ATXN2: variants seen among roughly 807,000 people sequenced by gnomAD.
ATXN2 encodes ataxin-2.
A neutral mutation model predicts 138.6 loss-of-function variants in ATXN2; 37 were observed. That is an observed-to-expected ratio of 0.27 (90% CI 0.21 to 0.35). The LOEUF (loss-of-function observed/expected upper bound fraction) is 0.35. Ranked by LOEUF, ATXN2 falls within the 10% of genes least tolerant of loss-of-function variation. The pLI is 1.00. For missense variants in ATXN2, 1,216 were observed against 1,480.3 expected (o/e 0.82, Z 2.93); for synonymous variants, 549 against 543.7 (o/e 1.01, Z -0.13).
At chr12:111,532,113 G>C (rs544688145) in intron 5 of ATXN2, among the ~76,000 whole-genome samples, 1 of 152,334 alleles carries the variant, frequency 6.6e-6, no homozygotes, top group Non-Finnish European at 1.5e-5. Flanking sequence ...CTACTCAGGA[G>C]GCTGAGGTGG....
At chr12:111,495,797 C>T (rs147129993) in intron 14 of ATXN2, among the ~76,000 whole-genome samples, 5 of 152,210 alleles carry the variant, frequency 3.3e-5, no homozygotes, top group African/African-American at 1.2e-4. Flanking sequence ...CATTCTTCTC[C>T]TCAACATATG....
At chr12:111,454,017 C>T (rs879399190) in intron 23 of ATXN2, 172 bp from the exon 24 acceptor site, 14 of 644,284 alleles carry the variant, frequency 2.2e-5, no homozygotes, top group Admixed American at 1.0e-4. Flanking sequence ...GACCTGAAGA[C>T]GCGCTTCACC....
At chr12:111,521,507 G>A (rs1193316919) in intron 6 of ATXN2, among the ~76,000 whole-genome samples, 1 of 152,188 alleles carries the variant, frequency 6.6e-6, no homozygotes, top group Non-Finnish European at 1.5e-5. Context: ...TATGGTACTA[G>A]GTCCCTGGCA....
chr12:111,472,237 A>G (rs530264549), intron 18 of ATXN2, among the ~76,000 whole-genome samples: 5 of 152,302 alleles, frequency 3.3e-5, no homozygotes, highest in Admixed American at 6.5e-5. Flanking sequence ...ACTGCACTCC[A>G]GCCTCGGCGA....
At chr12:111,593,076 CT>C (rs1012509388) in intron 1 of ATXN2, among the ~76,000 whole-genome samples, 5 of 151,810 alleles carry the variant, frequency 3.3e-5, no homozygotes, top group African/African-American at 9.7e-5. Flanking sequence ...TGAGATCCTC[CT>C]TTTTTTGTTT....
chr12:111,513,529 C>T lies in ATXN2; in HGVS notation c.1386G>A (p.Arg462=), dbSNP rs1483508993. ...GATGTCGCTGGGCCTTTGGGGACAT[C>T]CTTGGAGGCCCTAAGGAAGAAACAG... ...PKRMSSEGPP[R]MSPKAQRHPR... Residue 462 remains arginine (R), a synonymous_variant, in exon 11 of 25, where the codon AGG becomes AGA. Transcript: ENST00000673436. 6.2e-7 allele frequency: 1 copy of T among 1,611,368 alleles called. No individual in the cohort carries two copies. The highest frequency in any genetic ancestry group is 2.2e-5 in the East Asian group (1 of 44,842).
At chr12:111,547,011 G>A (rs544504671) in intron 5 of ATXN2, among the ~76,000 whole-genome samples, 122 of 152,326 alleles carry the variant, frequency 8.0e-4, no homozygotes, top group South Asian at 1.9e-3. Context: ...ACCGTAAGAA[G>A]TCACTATTTC....
At chr12:111,569,612 G>A (rs1315148262) in intron 1 of ATXN2, among the ~76,000 whole-genome samples, 1 of 152,024 alleles carries the variant, frequency 6.6e-6, no homozygotes, top group Non-Finnish European at 1.5e-5. Context: ...AGTTACTTGG[G>A]AGCTGAGGTG....
At chr12:111,464,808 G>C in intron 20 of ATXN2, 93 bp from the exon 21 acceptor site, 1 of 932,722 alleles carries the variant, frequency 1.1e-6, no homozygotes, top group Middle Eastern at 2.2e-4. Context: ...ATTTCTTTTT[G>C]TATTCATGCA....
At chr12:111,555,776 G>C in intron 2 of ATXN2, 107 bp downstream of exon 2, 1 of 931,420 alleles carries the variant, frequency 1.1e-6, no homozygotes, top group Non-Finnish European at 1.6e-6. Flanking sequence ...AGTTATCTAT[G>C]ACAAAATTCA....
intron 14 of ATXN2, among the ~76,000 whole-genome samples, chr12:111,502,911 G>A (rs1217174900): frequency 6.6e-6 from 1 of 152,118 alleles, no homozygotes; most frequent in African/African-American, 2.4e-5. Flanking sequence ...GCTCTCACAG[G>A]AACACTATGA....
intron 18 of ATXN2, among the ~76,000 whole-genome samples, chr12:111,484,236 T>G (rs376909050): frequency 1.3e-5 from 2 of 152,084 alleles, no homozygotes; most frequent in South Asian, 2.1e-4. Context: ...TTCTTCAAAT[T>G]TAAGTTCAGA....
Position 111,505,321 on chromosome 12 carries a change from G to A in ATXN2, c.1935+4228C>T, listed in dbSNP as rs557714851. 1.2e-4 allele frequency among the ~76,000 whole-genome samples: 19 copies of A among 152,136 alleles called. No homozygotes were observed. The East Asian group carries it at 2.1e-3, about 17-fold the overall frequency. Reference sequence around the variant, plus strand: ...GATGAAACAGTATTTTCTTAGATACGACACCAAAAGCTTACTTCAAAATCA... The same window carrying A: ...GATGAAACAGTATTTTCTTAGATACAACACCAAAAGCTTACTTCAAAATCA... On this transcript the variant is annotated intron_variant, in intron 14 of 24. Transcript: ENST00000673436.
At chr12:111,494,722 C>A (rs1878298912) in intron 14 of ATXN2, among the ~76,000 whole-genome samples, 1 of 152,122 alleles carries the variant, frequency 6.6e-6, no homozygotes, top group Admixed American at 6.6e-5. Context: ...CTGCACCCAG[C>A]TGTCATGGTG....
chr12:111,492,689 GAA>G (rs79185818), intron 14 of ATXN2, among the ~76,000 whole-genome samples: 4 of 99,700 alleles, frequency 4.0e-5, no homozygotes, highest in Admixed American at 1.0e-4. Context: ...CTCAAAAACA[GAA>G]AAAAAAAAAA....
intron 14 of ATXN2, among the ~76,000 whole-genome samples, chr12:111,491,646 C>G (rs1328910204): frequency 2.0e-5 from 3 of 152,308 alleles, no homozygotes; most frequent in African/African-American, 7.2e-5. Flanking sequence ...ATATTCTGGA[C>G]CAGAAGGGAA....
intron 1 of ATXN2, among the ~76,000 whole-genome samples, chr12:111,588,722 T>C (rs1884472804): frequency 6.6e-6 from 1 of 151,256 alleles, no homozygotes; most frequent in South Asian, 2.1e-4. Flanking sequence ...CCGGACGCGG[T>C]GGCTCATGCC....
At chr12:111,494,512 G>A (rs148344693) in intron 14 of ATXN2, among the ~76,000 whole-genome samples, 1 of 148,456 alleles carries the variant, frequency 6.7e-6, no homozygotes, top group East Asian at 2.0e-4. Context: ...TGCAACCTCT[G>A]CCTCCTGGGT....
At position 111,552,518 on chromosome 12, in the gene ATXN2, T is replaced by C; in HGVS notation, c.421-88A>G. On this transcript the variant is annotated intron_variant, in intron 4 of 24. Transcript: ENST00000673436. The surrounding 1 kb of genome is among the most constrained non-coding windows in gnomAD (Gnocchi z 4.1). ...TTTAGCTCATCAAGGTACCAGTTCT[T>C]ATATGCCTTTGACAAAAATAATCTC... The C allele has an allele frequency of 2.2e-6, 3 of 1,353,310 alleles. No homozygotes were observed. Among genetic ancestry groups the C allele is most frequent in the East Asian group, 2.5e-5 (1 of 40,260 alleles). 83.8% of individuals were successfully genotyped at this position (1,353,310 alleles called of 1,614,324 possible). A position where few individuals can be genotyped will look rare whatever the true frequency, so the allele number is the denominator to read the frequency against.
Sources: gnomAD v4.1 joint callset for allele counts (sites outside exome capture counted in the v4.1 genomes callset) on GRCh38, gnomAD v4.1.1 for gene constraint, Gnocchi (gnomAD v3.1) non-coding constraint, MANE v1.5 for transcripts, NCBI Gene and HGNC (gene_info 2026-07-23, HGNC 2026-07-21) for gene names.